Variants in PTPRN2 observed in about 807,000 individuals in gnomAD.
PTPRN2 encodes the protein protein tyrosine phosphatase receptor type N2.
Under a neutral mutation model 118.8 loss-of-function variants are expected in PTPRN2, and 74 were observed. The ratio of observed to expected loss-of-function variants is 0.62; its 90% CI spans 0.52 to 0.76. The LOEUF (loss-of-function observed/expected upper bound fraction) is 0.76, where lower values mean the gene tolerates loss of function less well. Among genes scored for constraint, PTPRN2 ranks in the 30% least tolerant of loss-of-function variants. The probability of loss-of-function intolerance (pLI) is 0.00; values close to 1 mark genes in which losing one functional copy is unlikely to be tolerated. For synonymous variants in PTPRN2, 641 were observed against 608.0 expected (o/e 1.05, Z -0.80); for missense variants, 1,481 against 1,394.4 (o/e 1.06, Z -0.99).
At chr7:158,085,520 C>CCT (rs1813288483) in intron 10 of PTPRN2, among the ~76,000 whole-genome samples, 1 of 132,168 alleles carries the variant, frequency 7.6e-6, no homozygotes, top group African/African-American at 3.0e-5. Context: ...CCCATCCACA[C>CCT]AGATGCCCAT....
Position 158,359,676 on chromosome 7 carries a change from C to A in PTPRN2, c.164-42744G>T, listed in dbSNP as rs76774244. ...GACCATGGCTATTTAAAAACCCAGC[C>A]TCAGCACAGTAGCTGACAAACATTA... On this transcript the variant is annotated intron_variant, in intron 2 of 22. Coordinates refer to ENST00000389418, the MANE Select transcript of PTPRN2 (RefSeq NM_002847.5). 9.3e-3 allele frequency among the ~76,000 whole-genome samples: 1,420 copies of A among 152,286 alleles called. 16 individuals carry two copies. The highest frequency in any genetic ancestry group is 0.032 in the African/African-American group (1,348 of 41,538).
At chr7:158,392,377 AC>A (rs1052367226) in intron 2 of PTPRN2, among the ~76,000 whole-genome samples, 1 of 152,140 alleles carries the variant, frequency 6.6e-6, no homozygotes, top group Non-Finnish European at 1.5e-5. Flanking sequence ...GCACAGGGCA[AC>A]CCCAAGTGTT....
chr7:157,927,548 C>T (rs1242333330), intron 11 of PTPRN2, among the ~76,000 whole-genome samples: 2 of 140,236 alleles, frequency 1.4e-5, no homozygotes, highest in African/African-American at 5.8e-5. Flanking sequence ...GGCCTCACGT[C>T]TTCTGGGACC....
chr7:157,912,328 T>C (rs1046219555), intron 11 of PTPRN2, among the ~76,000 whole-genome samples: 4 of 152,234 alleles, frequency 2.6e-5, no homozygotes, highest in South Asian at 2.1e-4. Flanking sequence ...TCCTCTTACA[T>C]GAAATTTTTG....
chr7:157,553,545 G>C (rs1296724393), intron 21 of PTPRN2, among the ~76,000 whole-genome samples: 1 of 152,210 alleles, frequency 6.6e-6, no homozygotes, highest in Admixed American at 6.5e-5. Flanking sequence ...CTCCCTCTCA[G>C]GCTGTGGTTT....
At chr7:157,736,435 C>T (rs12540823) in intron 12 of PTPRN2, among the ~76,000 whole-genome samples, 43,969 of 152,058 alleles carry the variant, frequency 0.29, 6,740 homozygotes, top group Non-Finnish European at 0.34. Context: ...GGTGTCCTTA[C>T]AAGAAGAGTG....
chr7:157,775,897 G>A (rs1803182272), intron 12 of PTPRN2, among the ~76,000 whole-genome samples: 2 of 152,078 alleles, frequency 1.3e-5, no homozygotes, highest in South Asian at 4.1e-4. Context: ...TAACGCCGCT[G>A]TCTCTGTGAT....
intron 3 of PTPRN2, among the ~76,000 whole-genome samples, chr7:158,299,330 C>G (rs1800713842): frequency 6.7e-6 from 1 of 149,934 alleles, no homozygotes; most frequent in Non-Finnish European, 1.5e-5. Flanking sequence ...TGGAGTCTCA[C>G]TCTGTTGCCC....
intron 3 of PTPRN2, among the ~76,000 whole-genome samples, chr7:158,313,610 C>A (rs887459619): frequency 2.0e-5 from 3 of 147,808 alleles, no homozygotes; most frequent in Non-Finnish European, 4.4e-5. Flanking sequence ...CTGCCTGGGA[C>A]CCCCCTATCC....
At chr7:158,070,938 G>C (rs1222234907) in intron 11 of PTPRN2, among the ~76,000 whole-genome samples, 6 of 132,398 alleles carry the variant, frequency 4.5e-5, no homozygotes, top group African/African-American at 2.0e-4. Flanking sequence ...GCTCCTGGTG[G>C]TGGAGGTGCC....
chr7:158,071,367 A>ATGGTGGTGGAGGTGCTCG (rs1329089905), intron 11 of PTPRN2, among the ~76,000 whole-genome samples: 32 of 40,658 alleles, frequency 7.9e-4, no homozygotes, highest in Non-Finnish European at 1.1e-3. Context: ...GGAGGTGCTC[A>ATGGTGGTGGAGGTGCTCG]TGGTGGTGGA....
At chr7:158,377,710 G>A (rs1320653058) in intron 2 of PTPRN2, among the ~76,000 whole-genome samples, 8 of 152,248 alleles carry the variant, frequency 5.3e-5, no homozygotes, top group Admixed American at 4.6e-4. Context: ...CACGACAGCT[G>A]AAAAGTGGAA....
At chr7:158,089,649 AT>A (rs1351258297) in intron 10 of PTPRN2, among the ~76,000 whole-genome samples, 13 of 126,916 alleles carry the variant, frequency 1.0e-4, no homozygotes, top group African/African-American at 2.9e-4. Flanking sequence ...TCTTCCCCTG[AT>A]GAAAGGGGGA....
chr7:158,336,355 C>T (rs1805525874), intron 2 of PTPRN2, among the ~76,000 whole-genome samples: 1 of 148,674 alleles, frequency 6.7e-6, no homozygotes, highest in African/African-American at 2.5e-5. Context: ...CTCACACCCA[C>T]ACTCTCACCA....
chr7:157,544,120 T>TGGAGAGAGGCGGAGAGAGGC (rs764262396), intron 22 of PTPRN2, among the ~76,000 whole-genome samples: 1 of 131,356 alleles, frequency 7.6e-6, no homozygotes, highest in Non-Finnish European at 1.6e-5. Context: ...TGGAGAGAGA[T>TGGAGAGAGGCGGAGAGAGGC]GGAGAGAGGC....
chr7:158,006,781 G>A (rs1047115958), intron 11 of PTPRN2, among the ~76,000 whole-genome samples: 25 of 152,152 alleles, frequency 1.6e-4, no homozygotes, highest in African/African-American at 5.8e-4. Flanking sequence ...CACCCTGGCT[G>A]TACCCACATT....
At chr7:157,691,633 C>T (rs1484522163) in intron 12 of PTPRN2, among the ~76,000 whole-genome samples, 3 of 152,232 alleles carry the variant, frequency 2.0e-5, no homozygotes, top group Non-Finnish European at 2.9e-5. Context: ...CGAAGGGAGA[C>T]GGCGGTGAAA....
At chr7:157,559,392 G>A (rs530391911) in intron 21 of PTPRN2, among the ~76,000 whole-genome samples, 43 of 152,306 alleles carry the variant, frequency 2.8e-4, no homozygotes, top group African/African-American at 9.1e-4. Context: ...ATGGGCCCCT[G>A]GAAACCCAGG....
chr7:157,745,236 C>CCTGCCCAGGTCCTTCTGTGTATGTCT (rs1254396941), intron 12 of PTPRN2, among the ~76,000 whole-genome samples: 3 of 152,184 alleles, frequency 2.0e-5, no homozygotes, highest in Non-Finnish European at 4.4e-5. Flanking sequence ...CTCCTGGGGC[C>CCTGCCCAGGTCCTTCTGTGTATGTCT]CTGCCCAGGT....
Sources: allele counts gnomAD v4.1 joint callset (sites outside exome capture counted in the v4.1 genomes callset), GRCh38; gene constraint gnomAD v4.1.1; transcripts MANE v1.5; gene names NCBI Gene and HGNC (gene_info 2026-07-23, HGNC 2026-07-21).